Variants in SRPK2 observed in about 807,000 individuals in gnomAD.
SRPK2 encodes SRSF protein kinase 2, also known as SFRS protein kinase 2.
Under a neutral mutation model 90.8 loss-of-function variants are expected in SRPK2, and 21 were observed. The observed-to-expected ratio is 0.23, with a 90% CI of 0.16 to 0.33. The LOEUF (loss-of-function observed/expected upper bound fraction) is 0.33, where lower values mean the gene tolerates loss of function less well. SRPK2 is among the 10% of genes least tolerant of loss of function. The pLI, the probability that SRPK2 is intolerant of heterozygous loss-of-function variation, is 1.00. For missense variants in SRPK2, 620 were observed against 869.0 expected (o/e 0.71, Z 3.60); for synonymous variants, 288 against 311.1 (o/e 0.93, Z 0.78).
intron 2 of SRPK2, among the ~76,000 whole-genome samples, chr7:105,324,516 G>A (rs112352729): frequency 6.6e-6 from 1 of 152,160 alleles, no homozygotes; most frequent in Non-Finnish European, 1.5e-5. Flanking sequence ...TCTAGCTAAT[G>A]AATGTGCAAT....
At chr7:105,346,589 A>T (rs916327094) in intron 2 of SRPK2, among the ~76,000 whole-genome samples, 1 of 152,064 alleles carries the variant, frequency 6.6e-6, no homozygotes, top group Non-Finnish European at 1.5e-5. Context: ...CCCTGTCTCT[A>T]CTAAAAACAC....
chr7:105,172,755 T>C (rs530708654), intron 3 of SRPK2, among the ~76,000 whole-genome samples: 5 of 152,354 alleles, frequency 3.3e-5, no homozygotes, highest in Non-Finnish European at 7.3e-5. Context: ...ACTAGAGGAC[T>C]GCTTCCTGGT....
chr7:105,189,815 G>C (rs1794049260), intron 3 of SRPK2: 1 of 152,590 alleles, frequency 6.6e-6, no homozygotes, highest in African/African-American at 2.4e-5. Context: ...CATGGGCTTT[G>C]GTCTTTTTGA....
rs1456737825 is a variant in SRPK2 at position 105,295,397 on chromosome 7, T to C, written c.72-91612A>G. 2.0e-5 allele frequency among the ~76,000 whole-genome samples: 3 copies of C among 152,126 alleles called. No homozygotes were observed. In the South Asian group the frequency reaches 6.2e-4, roughly 32 times the overall value. ...CATACTAATTACATGAATAAGACTA[T>C]CTTGGATGTGTTAAACTAAATGCAT... On this transcript the variant is annotated intron_variant, in intron 2 of 15. Coordinates refer to ENST00000393651, the MANE Select transcript of SRPK2 (RefSeq NM_182692.3).
intron 2 of SRPK2, among the ~76,000 whole-genome samples, chr7:105,301,303 A>G (rs1367998086): frequency 7.5e-6 from 1 of 133,894 alleles, no homozygotes; most frequent in Non-Finnish European, 1.6e-5. Context: ...AAAAAAAAAA[A>G]GCCGCGGCTC....
intron 2 of SRPK2, among the ~76,000 whole-genome samples, chr7:105,362,177 G>C (rs899998270): frequency 6.6e-6 from 1 of 152,088 alleles, no homozygotes; most frequent in African/African-American, 2.4e-5. Flanking sequence ...GATATGAACA[G>C]ACACTTCTCA....
intron 2 of SRPK2, among the ~76,000 whole-genome samples, chr7:105,266,543 G>C (rs1805105200): frequency 6.6e-6 from 1 of 152,160 alleles, no homozygotes; most frequent in Non-Finnish European, 1.5e-5. Context: ...AAAGAAGTCA[G>C]ATTTCTTCAA....
At chr7:105,264,321 G>A (rs774171248) in intron 2 of SRPK2, among the ~76,000 whole-genome samples, 1 of 151,960 alleles carries the variant, frequency 6.6e-6, no homozygotes, top group Non-Finnish European at 1.5e-5. Flanking sequence ...CTTTGCATAC[G>A]AGGCACCAAA....
intron 11 of SRPK2, among the ~76,000 whole-genome samples, chr7:105,134,336 G>A (rs1387488966): frequency 6.6e-6 from 1 of 152,060 alleles, no homozygotes; most frequent in African/African-American, 2.4e-5. Context: ...TGTGTAGCAC[G>A]TCCCCCTTCT....
chr7:105,259,010 C>G (rs1803791909), intron 2 of SRPK2, among the ~76,000 whole-genome samples: 1 of 152,108 alleles, frequency 6.6e-6, no homozygotes, highest in African/African-American at 2.4e-5. Flanking sequence ...CACTCCTATT[C>G]AACATAGTGT....
intron 7 of SRPK2, among the ~76,000 whole-genome samples, chr7:105,154,576 T>G (rs1434687679): frequency 1.3e-5 from 2 of 152,102 alleles, no homozygotes; most frequent in African/African-American, 4.8e-5. Flanking sequence ...CTCGGCATAC[T>G]AGAGGGTTGC....
chr7:105,372,346 T>G (rs1439784949), intron 2 of SRPK2, among the ~76,000 whole-genome samples: 2 of 152,276 alleles, frequency 1.3e-5, no homozygotes, highest in Middle Eastern at 3.4e-3. Context: ...CTTAAGAAAT[T>G]AAATATCATA....
intron 2 of SRPK2, among the ~76,000 whole-genome samples, chr7:105,334,105 CAG>C (rs1182739511): frequency 2.0e-5 from 3 of 151,282 alleles, no homozygotes; most frequent in Admixed American, 2.0e-4. Context: ...TTTTTTGAGA[CAG>C]AGTCTCACTC....
chr7:105,315,984 A>G (rs1812264632), intron 2 of SRPK2, among the ~76,000 whole-genome samples: 1 of 152,002 alleles, frequency 6.6e-6, no homozygotes, highest in South Asian at 2.1e-4. Flanking sequence ...TATAGAAAGC[A>G]AAAAGGTGTA....
At chr7:105,367,036 G>T (rs1585913984) in intron 2 of SRPK2, among the ~76,000 whole-genome samples, 1 of 151,462 alleles carries the variant, frequency 6.6e-6, no homozygotes, top group Non-Finnish European at 1.5e-5. Context: ...TGAAATATAT[G>T]TAAGAAAAAT....
At chr7:105,132,058 T>C (rs1344103899) in intron 13 of SRPK2, among the ~76,000 whole-genome samples, 3 of 150,864 alleles carry the variant, frequency 2.0e-5, no homozygotes, top group African/African-American at 7.3e-5. Flanking sequence ...GCCAGGGGAG[T>C]TTACAGACAA....
At position 105,269,047 on chromosome 7, in the gene SRPK2, A is replaced by G. The variant is rs1805481259; in HGVS notation, c.72-65262T>C. ...AAAGGGAAAAAGCTCCAGAGGCATCAGGCCTTGCTAAACTATGCACATGAC... is the reference window on the plus strand; with the variant it reads ...AAAGGGAAAAAGCTCCAGAGGCATCGGGCCTTGCTAAACTATGCACATGAC... On this transcript the variant is annotated intron_variant, in intron 2 of 15. Coordinates refer to ENST00000393651, the MANE Select transcript of SRPK2 (RefSeq NM_182692.3). 3.1e-6 allele frequency: 4 copies of G among 1,289,310 alleles called. No individual in the cohort carries two copies. In the African/African-American group the frequency reaches 4.4e-5, roughly 14 times the overall value. The allele number at this position is 1,289,310 out of a possible 1,614,324, so 79.9% of individuals were successfully genotyped here. A position where few individuals can be genotyped will look rare whatever the true frequency, so the allele number is the denominator to read the frequency against.
intron 2 of SRPK2, among the ~76,000 whole-genome samples, chr7:105,232,884 G>A (rs1799626923): frequency 6.6e-6 from 1 of 151,916 alleles, no homozygotes. Context: ...GTGGTGGCGG[G>A]TGCCTGTAAT....
chr7:105,276,568 T>C (rs1331074066), intron 2 of SRPK2, among the ~76,000 whole-genome samples: 2 of 148,890 alleles, frequency 1.3e-5, no homozygotes, highest in Admixed American at 6.7e-5. Flanking sequence ...TGAGACTTCA[T>C]CTCTTAAAAA....
Sources: allele counts gnomAD v4.1 joint callset (sites outside exome capture counted in the v4.1 genomes callset), GRCh38; gene constraint gnomAD v4.1.1; transcripts MANE v1.5; gene names NCBI Gene and HGNC (gene_info 2026-07-23, HGNC 2026-07-21).